Variants in PTPN13 observed in about 807,000 individuals in gnomAD.
The protein encoded by PTPN13 is tyrosine-protein phosphatase non-receptor type 13.
Under a neutral mutation model 284.0 loss-of-function variants are expected in PTPN13, and 191 were observed. The ratio of observed to expected loss-of-function variants is 0.67; its 90% CI spans 0.60 to 0.76. PTPN13 has a LOEUF of 0.76. PTPN13 is among the 30% of genes least tolerant of loss of function. The probability of loss-of-function intolerance (pLI) is 0.00; values close to 1 mark genes in which losing one functional copy is unlikely to be tolerated. For synonymous variants in PTPN13, 986 were observed against 1,022.3 expected (o/e 0.96, Z 0.68); for missense variants, 2,797 against 2,939.9 (o/e 0.95, Z 1.12).
intron 1 of PTPN13, among the ~76,000 whole-genome samples, chr4:86,632,315 C>T (rs1722555564): frequency 6.6e-6 from 1 of 152,150 alleles, no homozygotes. Flanking sequence ...TGGCAAGTTG[C>T]TATATCTGAC....
Position 86,770,292 on chromosome 4 carries a change from C to T in PTPN13, c.4803+93C>T, listed in dbSNP as rs999171722. On this transcript the variant is annotated intron_variant, in intron 30 of 47. Transcript: ENST00000411767. ...TGGTGGTTTCATCATGAATTGTTCT[C>T]CTGGGTTTCATACCTAGCTACTTGT... 20 of 1,216,994 alleles carry T rather than the reference C, an allele frequency of 1.6e-5. No homozygotes were observed. The African/African-American group carries it at 2.1e-4, about 13-fold the overall frequency. 75.4% of individuals were successfully genotyped at this position (1,216,994 alleles called of 1,614,324 possible). A position where few individuals can be genotyped will look rare whatever the true frequency, so the allele number is the denominator to read the frequency against.
chr4:86,648,456 G>A (rs751595904), intron 2 of PTPN13, among the ~76,000 whole-genome samples: 15 of 151,720 alleles, frequency 9.9e-5, no homozygotes, highest in Non-Finnish European at 1.6e-4. Context: ...TGAAGCTCCC[G>A]CCTATGAGTG....
intron 1 of PTPN13, among the ~76,000 whole-genome samples, chr4:86,628,856 T>C (rs1247553545): frequency 6.7e-6 from 1 of 150,264 alleles, no homozygotes. Context: ...GGCTGCATAG[T>C]ATTCCATGGT....
intron 33 of PTPN13, 137 bp downstream of exon 33, chr4:86,774,668 G>A (rs1740396850): frequency 3.9e-6 from 2 of 518,760 alleles, no homozygotes; most frequent in African/African-American, 2.0e-5. Flanking sequence ...AAAAGTAAAG[G>A]CCTTCATATC....
chr4:86,743,042 T>A (rs919550909), intron 16 of PTPN13, among the ~76,000 whole-genome samples: 6 of 152,190 alleles, frequency 3.9e-5, no homozygotes, highest in African/African-American at 1.4e-4. Context: ...CAAAACTATT[T>A]TTTTTAACTC....
intron 19 of PTPN13, 59 bp downstream of exon 19, chr4:86,751,183 CA>C: frequency 1.7e-6 from 2 of 1,199,490 alleles, no homozygotes; most frequent in Non-Finnish European, 2.4e-6. Flanking sequence ...GGGAAGTGAA[CA>C]AGATCATCTT....
intron 2 of PTPN13, among the ~76,000 whole-genome samples, chr4:86,667,998 C>G (rs1345499229): frequency 6.6e-6 from 1 of 152,124 alleles, no homozygotes; most frequent in Non-Finnish European, 1.5e-5. Flanking sequence ...ATAAAATGAT[C>G]TTAGTTTAAA....
At chr4:86,657,373 G>A (rs1725973126) in intron 2 of PTPN13, among the ~76,000 whole-genome samples, 1 of 152,204 alleles carries the variant, frequency 6.6e-6, no homozygotes, top group African/African-American at 2.4e-5. Context: ...TGCCCTCACT[G>A]CAACTCTTGC....
In PTPN13 at chr4:86,706,730, G is replaced by A. The variant is rs75566866; in HGVS notation, c.1195+4929G>A. 5.9e-5 allele frequency among the ~76,000 whole-genome samples: 9 copies of A among 152,256 alleles called. No individual in the cohort carries two copies. In the South Asian group the frequency reaches 1.5e-3, roughly 25 times the overall value. The stretch of plus-strand genomic sequence containing the variant: ...AGTTGAAATTGAAAAATTATAAATA[G>A]AAGATTATTACTGCGATTATTAAGT... On this transcript the variant is annotated intron_variant, in intron 7 of 47. Transcript: ENST00000411767.
intron 16 of PTPN13, among the ~76,000 whole-genome samples, chr4:86,743,123 G>C (rs1306983590): frequency 6.6e-6 from 1 of 152,028 alleles, no homozygotes; most frequent in East Asian, 1.9e-4. Context: ...TCTCACAACT[G>C]AGTTCTCTCA....
At chr4:86,613,650 A>AAAAAAAAAAAAAAAAAT (rs1565145874) in intron 1 of PTPN13, among the ~76,000 whole-genome samples, 2 of 151,780 alleles carry the variant, frequency 1.3e-5, no homozygotes, top group African/African-American at 4.8e-5. Context: ...AAAAAAAAAA[A>AAAAAAAAAAAAAAAAAT]AGAGTTTGGG....
intron 7 of PTPN13, among the ~76,000 whole-genome samples, chr4:86,705,323 G>C (rs1343017903): frequency 9.2e-6 from 1 of 109,024 alleles, no homozygotes; most frequent in Non-Finnish European, 1.8e-5. Flanking sequence ...GACAGAGCAA[G>C]ACTCCGTCTC....
chr4:86,688,174 GATGATA>G (rs1232043081), intron 4 of PTPN13, among the ~76,000 whole-genome samples: 2 of 152,106 alleles, frequency 1.3e-5, no homozygotes, highest in African/African-American at 4.8e-5. Flanking sequence ...ACACCTAAAG[GATGATA>G]TATTAATAAT....
chr4:86,702,041 G>A (rs992135249), intron 7 of PTPN13, among the ~76,000 whole-genome samples: 3 of 152,030 alleles, frequency 2.0e-5, no homozygotes, highest in Non-Finnish European at 2.9e-5. Context: ...ATAGTCTCTC[G>A]ATATTTGGGA....
chr4:86,708,296 G>A (rs1160683578), intron 7 of PTPN13, among the ~76,000 whole-genome samples: 1 of 151,950 alleles, frequency 6.6e-6, no homozygotes, highest in African/African-American at 2.4e-5. Flanking sequence ...AGTGGCTTTA[G>A]AACCATTTGG....
At chr4:86,635,523 T>C (rs1578299718) in intron 2 of PTPN13, among the ~76,000 whole-genome samples, 152 bp downstream of exon 2, 1 of 152,200 alleles carries the variant, frequency 6.6e-6, no homozygotes, top group East Asian at 1.9e-4. Context: ...CTTTTAGGGC[T>C]GAAAAAGCTC....
intron 27 of PTPN13, among the ~76,000 whole-genome samples, chr4:86,767,151 C>T (rs1312212163): frequency 1.3e-5 from 2 of 151,740 alleles, no homozygotes; most frequent in Non-Finnish European, 2.9e-5. Flanking sequence ...ATGCTGGTCT[C>T]GAACTCCTAG....
At chr4:86,716,694 C>A in intron 8 of PTPN13, 69 bp downstream of exon 8, 2 of 1,097,560 alleles carry the variant, frequency 1.8e-6, no homozygotes, top group South Asian at 3.0e-5. Flanking sequence ...CAATAGTGTT[C>A]AAATATTAAT....
chr4:86,738,843 G>T (rs1261775557), intron 15 of PTPN13, among the ~76,000 whole-genome samples: 2 of 151,978 alleles, frequency 1.3e-5, no homozygotes, highest in East Asian at 3.9e-4. Context: ...ACCATACCTG[G>T]CTAATTTTTG....
Sources: gnomAD v4.1 joint callset for allele counts (sites outside exome capture counted in the v4.1 genomes callset) on GRCh38, gnomAD v4.1.1 for gene constraint, MANE v1.5 for transcripts, NCBI Gene and HGNC (gene_info 2026-07-23, HGNC 2026-07-21) for gene names.